PCDHGA2: variants seen among roughly 807,000 people sequenced by gnomAD.
PCDHGA2 encodes the protein protocadherin gamma-A2.
A neutral mutation model predicts 59.2 loss-of-function variants in PCDHGA2; 40 were observed. The observed-to-expected ratio is 0.68, with a 90% confidence interval of 0.52 to 0.88. PCDHGA2 has a LOEUF of 0.88. Among genes scored for constraint, PCDHGA2 ranks in the 40% least tolerant of loss-of-function variants. PCDHGA2 has a pLI of 0.00. For synonymous variants in PCDHGA2, 560 were observed against 526.0 expected, an observed-to-expected ratio of 1.06 and a Z score of -0.89; for missense variants, 1,226 against 1,204.0, an observed-to-expected ratio of 1.02 and a Z score of -0.27.
At chr5:141,478,287 G>C (rs777542913) in intron 1 of PCDHGA2, 1 of 1,614,154 alleles carries the variant, frequency 6.2e-7, no homozygotes, top group South Asian at 1.1e-5. Context: ...AAGCAGTCTA[G>C]AGACCTATAC....
chr5:141,384,296 C>T (rs763513374), intron 1 of PCDHGA2: 5 of 1,613,712 alleles, frequency 3.1e-6, no homozygotes, highest in Middle Eastern at 1.6e-4. Flanking sequence ...GAGAACAACC[C>T]CAGAGGGGCC....
At chr5:141,356,792 T>C (rs1319078295) in intron 1 of PCDHGA2, 11 of 1,613,838 alleles carry the variant, frequency 6.8e-6, no homozygotes, top group African/African-American at 4.0e-5. Context: ...CTGCAGCTGC[T>C]GATGACAGCC....
At position 141,487,194 on chromosome 5, in the gene PCDHGA2, C is replaced by T. The variant is rs148502966; in HGVS notation, c.2425-7613C>T. 2 of 1,613,868 alleles carry T rather than the reference C, an allele frequency of 1.2e-6. No homozygotes were observed. The highest frequency in any genetic ancestry group is 1.3e-5 in the African/African-American group (1 of 75,030). On this transcript the variant is annotated intron_variant, in intron 1 of 3. Coordinates refer to ENST00000394576, the MANE Select transcript of PCDHGA2 (RefSeq NM_018915.4). The surrounding 1 kb of genome is among the most constrained non-coding windows in gnomAD (Gnocchi z 5.0). ...GAGGAAGACACTCATCCAGTTGTCC[C>T]AGATCTTCGAGAATCTTCAGCTCCA... is the stretch of plus-strand genomic sequence containing the variant.
intron 1 of PCDHGA2, chr5:141,426,874 C>T: frequency 2.2e-6 from 1 of 456,654 alleles, no homozygotes; most frequent in Non-Finnish European, 4.4e-6. Context: ...CTGGAGAAGC[C>T]CCTGGGCCAG....
chr5:141,385,314 A>T, intron 1 of PCDHGA2: 1 of 1,611,588 alleles, frequency 6.2e-7, no homozygotes. Context: ...AAAACCTGCC[A>T]AGTATTCAGG....
At chr5:141,390,612 T>C (rs2092191763) in intron 1 of PCDHGA2, 1 of 296,168 alleles carries the variant, frequency 3.4e-6, no homozygotes, top group Non-Finnish European at 6.3e-6. Context: ...ATTTTCCTTC[T>C]TGTTGACTAA....
At chr5:141,414,083 G>C (rs964114178) in intron 1 of PCDHGA2, 1 of 1,601,124 alleles carries the variant, frequency 6.2e-7, no homozygotes, top group Non-Finnish European at 8.5e-7. Context: ...AAATATACTG[G>C]AGAAATAAAA....
chr5:141,493,935 C>T lies in PCDHGA2; in HGVS notation c.2425-872C>T, dbSNP rs1317863228. Among the ~76,000 whole-genome samples the T allele has an allele frequency of 6.6e-6, 1 of 152,158 alleles. No homozygotes were observed. Among genetic ancestry groups the T allele is most frequent in the Non-Finnish European group, 1.5e-5 (1 of 68,020 alleles). On this transcript the variant is annotated intron_variant, in intron 1 of 3. Coordinates refer to ENST00000394576, the MANE Select transcript of PCDHGA2 (RefSeq NM_018915.4). This position sits in a 1 kb window ranked among gnomAD's most constrained non-coding sequence, Gnocchi z 4.3. Reference sequence around the variant, plus strand: ...TGGGATAACACACCCCCTGGAAAGACCAGAAGGGACTCAGGAATGAAGTGG... The same window carrying T: ...TGGGATAACACACCCCCTGGAAAGATCAGAAGGGACTCAGGAATGAAGTGG...
chr5:141,485,134 C>T lies in PCDHGA2; in HGVS notation c.2425-9673C>T. The T allele has an allele frequency of 6.7e-7, 1 of 1,495,958 alleles. No homozygotes were observed. The highest frequency in any genetic ancestry group is 1.4e-5 in the African/African-American group (1 of 72,714). 92.7% of individuals were successfully genotyped at this position (1,495,958 alleles called of 1,614,324 possible). On this transcript the variant is annotated intron_variant, in intron 1 of 3. Transcript: ENST00000394576. The surrounding 1 kb of genome is among the most constrained non-coding windows in gnomAD (Gnocchi z 5.7). Reference sequence around the variant, plus strand: ...CTGTTTGGGGCGGGTCGGCTTCATCCGCGTCTCAGGAGCAAGTAGAGAATT... The same window carrying T: ...CTGTTTGGGGCGGGTCGGCTTCATCTGCGTCTCAGGAGCAAGTAGAGAATT...
In PCDHGA2 at chr5:141,352,436, G is replaced by A. The variant is rs1187480679; in HGVS notation, c.2424+11041G>A. On this transcript the variant is annotated intron_variant, in intron 1 of 3. Transcript: ENST00000394576. ...CGACACTGAGGGCTGCTTTCAAACCGGTCTCTGCTCCAAGTCTGGGCCCGG... is the reference window on the plus strand; with the variant it reads ...CGACACTGAGGGCTGCTTTCAAACCAGTCTCTGCTCCAAGTCTGGGCCCGG... The A allele has an allele frequency of 3.1e-6, 5 of 1,613,880 alleles. No individual in the cohort carries two copies. Among genetic ancestry groups the A allele is most frequent in the Admixed American group, 1.7e-5 (1 of 60,008 alleles).
At chr5:141,460,616 T>C (rs905095529) in intron 1 of PCDHGA2, among the ~76,000 whole-genome samples, 8 of 152,114 alleles carry the variant, frequency 5.3e-5, no homozygotes, top group Non-Finnish European at 7.4e-5. Context: ...GATGGATAGA[T>C]AGACAGATAC....
At chr5:141,404,492 C>T (rs770295078) in intron 1 of PCDHGA2, 1 of 1,613,668 alleles carries the variant, frequency 6.2e-7, no homozygotes, top group African/African-American at 1.3e-5. Context: ...CACTGGTGTG[C>T]TGTATGCTCT....
At chr5:141,399,511 C>T in intron 1 of PCDHGA2, 1 of 1,614,042 alleles carries the variant, frequency 6.2e-7, no homozygotes, top group Non-Finnish European at 8.5e-7. Context: ...CGAAAACAAC[C>T]CTCCTGGGGC....
intron 2 of PCDHGA2, among the ~76,000 whole-genome samples, chr5:141,501,015 C>T (rs950216755): frequency 6.6e-5 from 10 of 151,866 alleles, no homozygotes; most frequent in African/African-American, 2.4e-4. Context: ...ACTACAGGCA[C>T]GCGCCACCAC....
At chr5:141,455,503 T>C (rs1005615473) in intron 1 of PCDHGA2, among the ~76,000 whole-genome samples, 3 of 152,302 alleles carry the variant, frequency 2.0e-5, no homozygotes, top group Middle Eastern at 3.4e-3. Context: ...CTGATTTGCA[T>C]AGGGCTCAGG....
At chr5:141,343,735 T>C (rs925488137) in intron 1 of PCDHGA2, 1 of 271,366 alleles carries the variant, frequency 3.7e-6, no homozygotes, top group African/African-American at 2.2e-5. Flanking sequence ...AATTCAAAAA[T>C]AATAATGTGT....
chr5:141,439,364 G>A (rs1561894836), intron 1 of PCDHGA2, among the ~76,000 whole-genome samples: 2 of 152,142 alleles, frequency 1.3e-5, no homozygotes, highest in Admixed American at 1.3e-4. Context: ...CAAACATCAA[G>A]AAGAAATAAA....
At position 141,432,716 on chromosome 5, in the gene PCDHGA2, C is replaced by A; in HGVS notation, c.2425-62091C>A. 6.2e-7 allele frequency: 1 copy of A among 1,614,030 alleles called. No individual in the cohort carries two copies. The highest frequency in any genetic ancestry group is 1.1e-5 in the South Asian group (1 of 91,084). ...GGCCGTCCAGGACCACGGCCAGCCC[C>A]CTCTCTCCGCCACTGTCACGCTCAC... On this transcript the variant is annotated intron_variant, in intron 1 of 3. Transcript: ENST00000394576. This position sits in a 1 kb window ranked among gnomAD's most constrained non-coding sequence, Gnocchi z 6.0.
chr5:141,348,459 A>G (rs1758124154), intron 1 of PCDHGA2, among the ~76,000 whole-genome samples: 1 of 152,228 alleles, frequency 6.6e-6, no homozygotes, highest in Non-Finnish European at 1.5e-5. Flanking sequence ...AAATGTTTAT[A>G]GTATTAGTAT....
Sources: gnomAD v4.1 joint callset for allele counts (sites outside exome capture counted in the v4.1 genomes callset) on GRCh38, gnomAD v4.1.1 for gene constraint, Gnocchi (gnomAD v3.1) non-coding constraint, MANE v1.5 for transcripts, NCBI Gene and HGNC (gene_info 2026-07-23, HGNC 2026-07-21) for gene names.